The following MACROD2 variants were observed in gnomAD, a reference collection of about 807,000 sequenced individuals.
MACROD2 encodes the protein mono-ADP ribosylhydrolase 2, also known as ADP-ribose glycohydrolase MACROD2.
A neutral mutation model predicts 70.4 loss-of-function variants in MACROD2; 36 were observed. That is an observed-to-expected ratio of 0.51 (90% CI 0.39 to 0.68). The LOEUF is 0.68. MACROD2 is among the 30% of genes least tolerant of loss of function. MACROD2 has a pLI of 0.00. For missense variants in MACROD2, 496 were observed against 538.4 expected (o/e 0.92, Z 0.78); for synonymous variants, 172 against 178.8 (o/e 0.96, Z 0.30).
At chr20:14,763,333 A>G (rs1321275768) in intron 5 of MACROD2, among the ~76,000 whole-genome samples, 1 of 152,168 alleles carries the variant, frequency 6.6e-6, no homozygotes, top group East Asian at 1.9e-4. Flanking sequence ...AACCCTGGAG[A>G]CAAAGCTGGT....
intron 15 of MACROD2, among the ~76,000 whole-genome samples, chr20:16,023,473 CAAAAAAAAAA>C (rs60347463): frequency 4.2e-5 from 3 of 71,462 alleles, no homozygotes; most frequent in Admixed American, 3.7e-4. Context: ...GACTCCATCT[CAAAAAAAAAA>C]AAAAAAAAAA....
chr20:14,731,246 C>T (rs2071593870), intron 5 of MACROD2, among the ~76,000 whole-genome samples: 1 of 152,030 alleles, frequency 6.6e-6, no homozygotes, highest in Non-Finnish European at 1.5e-5. Context: ...TGCTGGCCTA[C>T]CTGGGAGGAA....
intron 8 of MACROD2, among the ~76,000 whole-genome samples, chr20:15,847,436 C>G (rs2064245853): frequency 6.6e-6 from 1 of 152,150 alleles, no homozygotes; most frequent in African/African-American, 2.4e-5. Flanking sequence ...GGATACAGCA[C>G]AAACGCAAAT....
chr20:15,161,281 C>G lies in MACROD2; in HGVS notation c.419-68659C>G, dbSNP rs79479058. Among the ~76,000 whole-genome samples the G allele has an allele frequency of 7.6e-3, 1,156 of 151,732 alleles. 15 individuals carry two copies. Among genetic ancestry groups the G allele is most frequent in the African/African-American group, 0.027 (1,104 of 41,436 alleles). On this transcript the variant is annotated intron_variant, in intron 5 of 17. Coordinates refer to ENST00000684519, the MANE Select transcript of MACROD2 (RefSeq NM_001351661.2). Reference sequence around the variant, plus strand: ...GCAGGTCTTTTGGGAATGGTACAAACTGGACCTAAATCAAGTTATATTATT... The same window carrying G: ...GCAGGTCTTTTGGGAATGGTACAAAGTGGACCTAAATCAAGTTATATTATT...
intron 5 of MACROD2, among the ~76,000 whole-genome samples, chr20:14,816,238 T>C (rs1481927635): frequency 6.6e-6 from 1 of 151,974 alleles, no homozygotes; most frequent in Non-Finnish European, 1.5e-5. Flanking sequence ...AATAAACAGA[T>C]GAGGGATATA....
chr20:15,119,003 C>A (rs2076011661), intron 5 of MACROD2, among the ~76,000 whole-genome samples: 1 of 152,178 alleles, frequency 6.6e-6, no homozygotes, highest in Admixed American at 6.5e-5. Flanking sequence ...TGGCATGAAG[C>A]ATGTATGTAT....
At position 15,218,746 on chromosome 20, in the gene MACROD2, G is replaced by C. The variant is rs971447064; in HGVS notation, c.419-11194G>C. Among the ~76,000 whole-genome samples the C allele has an allele frequency of 3.9e-5, 6 of 152,190 alleles. No individual in the cohort carries two copies. The South Asian group carries it at 6.2e-4, about 16-fold the overall frequency. On this transcript the variant is annotated intron_variant, in intron 5 of 17. Coordinates refer to ENST00000684519, the MANE Select transcript of MACROD2 (RefSeq NM_001351661.2). ...AAAAGCAATTACTCCGGATTTTGAA[G>C]ATTGAGCAGAAAACAATTGCATTTA...
At chr20:15,072,139 T>C (rs1290298034) in intron 5 of MACROD2, among the ~76,000 whole-genome samples, 1 of 152,190 alleles carries the variant, frequency 6.6e-6, no homozygotes, top group African/African-American at 2.4e-5. Context: ...AAATGGATTG[T>C]AATGTCTTTT....
chr20:15,641,685 G>A (rs368406324), intron 8 of MACROD2, among the ~76,000 whole-genome samples: 1 of 152,132 alleles, frequency 6.6e-6, no homozygotes, highest in Non-Finnish European at 1.5e-5. Context: ...TTCCCAAAAG[G>A]CATATATGTT....
At chr20:14,175,305 T>C (rs555380896) in intron 3 of MACROD2, among the ~76,000 whole-genome samples, 18 of 152,314 alleles carry the variant, frequency 1.2e-4, no homozygotes, top group African/African-American at 3.8e-4. Flanking sequence ...CCTTCTTAAA[T>C]AGGACCTATG....
At chr20:15,792,901 A>G (rs942279871) in intron 8 of MACROD2, among the ~76,000 whole-genome samples, 1 of 152,230 alleles carries the variant, frequency 6.6e-6, no homozygotes. Flanking sequence ...TGAAAATACT[A>G]GAAATGATCA....
chr20:14,462,454 A>G (rs1285419017), intron 3 of MACROD2, among the ~76,000 whole-genome samples: 1 of 151,958 alleles, frequency 6.6e-6, no homozygotes, highest in African/African-American at 2.4e-5. Context: ...AGTTGAGTAG[A>G]TTGCAAAAAT....
At chr20:14,472,395 G>A (rs2084540706) in intron 3 of MACROD2, among the ~76,000 whole-genome samples, 1 of 152,040 alleles carries the variant, frequency 6.6e-6, no homozygotes, top group South Asian at 2.1e-4. Context: ...TAATACTTAG[G>A]AAAACAATTT....
intron 3 of MACROD2, among the ~76,000 whole-genome samples, chr20:14,223,762 T>C (rs780237185): frequency 6.6e-6 from 1 of 152,094 alleles, no homozygotes; most frequent in African/African-American, 2.4e-5. Context: ...CCTCCCAAAG[T>C]GCTGGGAGTA....
chr20:14,307,010 TAAACACAC>T (rs2122505603), intron 3 of MACROD2, among the ~76,000 whole-genome samples: 1 of 70,012 alleles, frequency 1.4e-5, no homozygotes, highest in Admixed American at 1.8e-4. Flanking sequence ...GGACTAAATG[TAAACACAC>T]ACACACACAC....
At chr20:14,282,323 A>G (rs1428915021) in intron 3 of MACROD2, among the ~76,000 whole-genome samples, 2 of 152,202 alleles carry the variant, frequency 1.3e-5, no homozygotes, top group South Asian at 2.1e-4. Flanking sequence ...AAATCTCCAA[A>G]TAGTGCTGAC....
At chr20:15,498,674 T>A (rs1251176559) in intron 7 of MACROD2, among the ~76,000 whole-genome samples, 2 of 152,180 alleles carry the variant, frequency 1.3e-5, no homozygotes, top group Non-Finnish European at 2.9e-5. Flanking sequence ...GGTGACAGAT[T>A]GGGGAGTGAC....
chr20:15,222,282 A>G (rs2145968105), intron 5 of MACROD2, among the ~76,000 whole-genome samples: 1 of 152,344 alleles, frequency 6.6e-6, no homozygotes, highest in Admixed American at 6.5e-5. Flanking sequence ...TTGAAAAGGA[A>G]CATCTTATAG....
chr20:15,767,846 C>T (rs549391169), intron 8 of MACROD2, among the ~76,000 whole-genome samples: 72 of 152,210 alleles, frequency 4.7e-4, no homozygotes, highest in African/African-American at 1.7e-3. Flanking sequence ...CTCAGGGGAT[C>T]TCTGCTAATC....
Sources: gnomAD v4.1 joint callset for allele counts (sites outside exome capture counted in the v4.1 genomes callset) on GRCh38, gnomAD v4.1.1 for gene constraint, MANE v1.5 for transcripts, NCBI Gene and HGNC (gene_info 2026-07-23, HGNC 2026-07-21) for gene names.